Variants in TNKS2 observed in about 807,000 individuals in gnomAD.
TNKS2 encodes tankyrase 2.
In TNKS2, 72 loss-of-function variants were observed where a neutral mutation model predicts 137.6. The ratio of observed to expected loss-of-function variants is 0.52; its 90% CI spans 0.43 to 0.64. The LOEUF is 0.64. Among genes scored for constraint, TNKS2 ranks in the 30% least tolerant of loss-of-function variants. The pLI, the probability that TNKS2 is intolerant of heterozygous loss-of-function variation, is 0.00. For synonymous variants in TNKS2, 516 were observed against 512.1 expected (o/e 1.01, Z -0.10); for missense variants, 1,049 against 1,410.2 (o/e 0.74, Z 4.10).
chr10:91,849,161 C>A (rs1053609264), intron 19 of TNKS2, among the ~76,000 whole-genome samples: 15 of 152,156 alleles, frequency 9.9e-5, no homozygotes, highest in Non-Finnish European at 1.9e-4. Flanking sequence ...TAGATGTAAA[C>A]CTTTTCTGTT....
In TNKS2 at chr10:91,830,931, T is replaced by C. The variant is rs1380191757; in HGVS notation, c.1113T>C (p.Ala371=). Reference sequence around the variant, plus strand: ...CAATTTAAATTATTTAGCATTGTGCTGCTGCATCTCCATATCCCAAAAGAA... The same window carrying C: ...CAATTTAAATTATTTAGCATTGTGCCGCTGCATCTCCATATCCCAAAAGAA... ...PQTHETALHC[A]AASPYPKRKQ... The change falls in exon 10 of 27, where the codon GCT becomes GCC. Residue 371 remains alanine, a synonymous_variant. Transcript: ENST00000371627. The C allele has an allele frequency of 6.2e-7, 1 of 1,608,398 alleles. No individual in the cohort carries two copies. Among genetic ancestry groups the C allele is most frequent in the Non-Finnish European group, 8.5e-7 (1 of 1,177,644 alleles).
Position 91,845,917 on chromosome 10 carries a change from C to T in TNKS2, c.2335C>T (p.Gln779Ter). 6.3e-7 allele frequency: 1 copy of T among 1,574,820 alleles called. No individual in the cohort carries two copies. The highest frequency in any genetic ancestry group is 1.1e-5 in the South Asian group (1 of 87,062). Residue 779 changes from glutamine to a stop codon, truncating the protein, a stop_gained, in exon 18 of 27, where the codon CAA becomes TAA. Coordinates refer to ENST00000371627, the MANE Select transcript of TNKS2 (RefSeq NM_025235.4). LOFTEE classifies it high-confidence loss of function. ...ADPTLKNQEG[Q>*]TPLDLVSADD... Reference sequence around the variant, plus strand: ...CCCGACTCTTAAAAATCAGGAAGGACAAACACCTTTAGATTTAGTTTCAGT... The same window carrying T: ...CCCGACTCTTAAAAATCAGGAAGGATAAACACCTTTAGATTTAGTTTCAGT...
chr10:91,847,007 C>T (rs1393592102), intron 18 of TNKS2, among the ~76,000 whole-genome samples: 12 of 152,140 alleles, frequency 7.9e-5, no homozygotes, highest in Non-Finnish European at 1.5e-5. Context: ...CCTTAGTTAC[C>T]TCATCTATAG....
Position 91,831,088 on chromosome 10 carries a change from T to C in TNKS2, c.1197-15T>C. 6.2e-7 allele frequency: 1 copy of C among 1,613,818 alleles called. No homozygotes were observed. Among genetic ancestry groups the C allele is most frequent in the South Asian group, 1.1e-5 (1 of 91,062 alleles). ...GAAAATATATTCACTGTCTGGCTGA[T>C]TTTTTCTCTCTAAGATTCTTGACTC... On this transcript the variant is annotated splice_polypyrimidine_tract_variant and intron_variant, in intron 10 of 26. Transcript: ENST00000371627.
Position 91,847,381 on chromosome 10 carries a change from T to C in TNKS2, c.2359-1002T>C, listed in dbSNP as rs907619650. Among the ~76,000 whole-genome samples the C allele has an allele frequency of 2.0e-5, 3 of 152,308 alleles. No individual in the cohort carries two copies. In the East Asian group the frequency reaches 5.8e-4, roughly 29 times the overall value. On this transcript the variant is annotated intron_variant, in intron 18 of 26. Coordinates refer to ENST00000371627, the MANE Select transcript of TNKS2 (RefSeq NM_025235.4). ...TAATTTTTATTTATTATTATTTTTT[T>C]GAGATGGAAGTCTCACTCTGTCACC...
chr10:91,859,664 T>C lies in TNKS2; in HGVS notation c.3281+16T>C. 6.3e-7 allele frequency: 1 copy of C among 1,599,642 alleles called. No individual in the cohort carries two copies. ...TTTGCCACAGGTAAGAGATCACTTG[T>C]TCTCATTTATTTTGGTGGTAATCAG... On this transcript the variant is annotated intron_variant, in intron 25 of 26. Transcript: ENST00000371627.
chr10:91,843,452 T>G (rs1842274784), intron 16 of TNKS2, among the ~76,000 whole-genome samples: 1 of 152,236 alleles, frequency 6.6e-6, no homozygotes, highest in South Asian at 2.1e-4. Context: ...CTTTAAAGGC[T>G]CTGTCTCCAA....
chr10:91,798,467 T>C lies in TNKS2; in HGVS notation c.-224T>C. On this transcript the variant is annotated 5_prime_UTR_variant, in exon 1 of 27. Coordinates refer to ENST00000371627, the MANE Select transcript of TNKS2 (RefSeq NM_025235.4). ...TCGTTTCAGGACCCGGACGGCGGAT[T>C]CGCGCTGCCTCCGCCGCCGCGGGGC... 2.8e-6 allele frequency: 1 copy of C among 356,060 alleles called. No individual in the cohort carries two copies. The highest frequency in any genetic ancestry group is 4.7e-6 in the Non-Finnish European group (1 of 213,516). 22.1% of individuals were successfully genotyped at this position (356,060 alleles called of 1,614,324 possible). A position where few individuals can be genotyped will look rare whatever the true frequency, so the allele number is the denominator to read the frequency against.
intron 18 of TNKS2, among the ~76,000 whole-genome samples, chr10:91,846,406 C>T (rs1392330223): frequency 1.3e-5 from 2 of 152,206 alleles, no homozygotes; most frequent in African/African-American, 2.4e-5. Context: ...TCTTGTTGCT[C>T]ACCCTACCTT....
Position 91,862,247 on chromosome 10 carries a change from T to C in TNKS2, c.3438+92T>C, listed in dbSNP as rs1417245169. The C allele has an allele frequency of 3.9e-6, 4 of 1,034,344 alleles. No individual in the cohort carries two copies. The African/African-American group carries it at 6.6e-5, about 17-fold the overall frequency. The allele number at this position is 1,034,344 out of a possible 1,614,324, so 64.1% of individuals were successfully genotyped here. On this transcript the variant is annotated intron_variant, in intron 26 of 26. Coordinates refer to ENST00000371627, the MANE Select transcript of TNKS2 (RefSeq NM_025235.4). ...TCTTGAATTGACAAGACATATTGCC[T>C]TAACTGGATTTTTTAAAAATTTTAT...
At chr10:91,861,741 TAG>T (rs1842857678) in intron 25 of TNKS2, among the ~76,000 whole-genome samples, 1 of 152,180 alleles carries the variant, frequency 6.6e-6, no homozygotes, top group Middle Eastern at 3.2e-3. Flanking sequence ...AACAAGGTGG[TAG>T]AGTCTGTATC....
At chr10:91,836,000 C>CGTGT (rs58777939) in intron 12 of TNKS2, among the ~76,000 whole-genome samples, 2,579 of 113,024 alleles carry the variant, frequency 0.023, 33 homozygotes, top group African/African-American at 0.029. Flanking sequence ...ATAAGAATAC[C>CGTGT]GTGTGTGTGT....
At chr10:91,812,475 C>G (rs1465816674) in intron 1 of TNKS2, among the ~76,000 whole-genome samples, 1 of 152,142 alleles carries the variant, frequency 6.6e-6, no homozygotes, top group East Asian at 1.9e-4. Flanking sequence ...ACTACATAGA[C>G]AAATATTAGC....
At chr10:91,817,296 G>T (rs1262062662) in intron 3 of TNKS2, 67 bp downstream of exon 3, 12 of 1,085,984 alleles carry the variant, frequency 1.1e-5, no homozygotes, top group Non-Finnish European at 1.6e-5. Context: ...TAGGAAATTT[G>T]CCTCCTATGA....
chr10:91,818,160 T>C (rs1844771871), intron 3 of TNKS2, among the ~76,000 whole-genome samples: 1 of 152,232 alleles, frequency 6.6e-6, no homozygotes, highest in Non-Finnish European at 1.5e-5. Context: ...TTTTGTTTTT[T>C]AAATCTTGGG....
chr10:91,844,561 G>A (rs1370416296), intron 16 of TNKS2, among the ~76,000 whole-genome samples: 3 of 152,144 alleles, frequency 2.0e-5, no homozygotes, highest in Admixed American at 1.3e-4. Flanking sequence ...TCAAGAAGTG[G>A]TATGTAACAC....
At chr10:91,831,833 A>G (rs1329575431) in intron 11 of TNKS2, among the ~76,000 whole-genome samples, 3 of 152,190 alleles carry the variant, frequency 2.0e-5, no homozygotes, top group Non-Finnish European at 4.4e-5. Context: ...CTAATTCAGC[A>G]GTTTTTACAG....
In TNKS2 at chr10:91,862,122, A is replaced by G. The variant is rs1281247777; in HGVS notation, c.3405A>G (p.Ala1135=). Residue 1135 remains alanine, a synonymous_variant, in exon 26 of 27, where the codon GCA becomes GCG. Coordinates refer to ENST00000371627, the MANE Select transcript of TNKS2 (RefSeq NM_025235.4). The part of the protein sequence containing the change: ...VTGRPSVNGL[A]LAEYVIYRGE... ...GTAGGCCCAGTGTAAATGGCCTAGC[A>G]TTAGCTGAATATGTTATTTACAGAG... is the stretch of plus-strand genomic sequence containing the variant. 4 of 1,610,576 alleles carry G rather than the reference A, an allele frequency of 2.5e-6. No individual in the cohort carries two copies. The highest frequency in any genetic ancestry group is 3.4e-6 in the Non-Finnish European group (4 of 1,178,372).
At chr10:91,837,874 CATT>C (rs1842077883) in intron 13 of TNKS2, among the ~76,000 whole-genome samples, 1 of 152,188 alleles carries the variant, frequency 6.6e-6, no homozygotes, top group South Asian at 2.1e-4. Context: ...TTTTGATCCT[CATT>C]ATTCTCATTC....
Sources: allele counts gnomAD v4.1 joint callset (sites outside exome capture counted in the v4.1 genomes callset), GRCh38; gene constraint gnomAD v4.1.1; transcripts MANE v1.5; gene names NCBI Gene and HGNC (gene_info 2026-07-23, HGNC 2026-07-21).